SLC16A6: variants seen among roughly 807,000 people sequenced by gnomAD.
The protein encoded by SLC16A6 is monocarboxylate transporter 7.
SLC16A6 carries 15 observed loss-of-function variants against 33.8 expected under a neutral mutation model. The observed-to-expected ratio is 0.44, with a 90% CI of 0.30 to 0.68. The LOEUF (loss-of-function observed/expected upper bound fraction) is 0.68. Among genes scored for constraint, SLC16A6 ranks in the 30% least tolerant of loss-of-function variants. The pLI is 0.10. For synonymous variants in SLC16A6, 219 were observed against 248.4 expected, an observed-to-expected ratio of 0.88 and a Z score of 1.11; for missense variants, 451 against 661.5, an observed-to-expected ratio of 0.68 and a Z score of 3.49.
intron 3 of SLC16A6, among the ~76,000 whole-genome samples, chr17:68,273,657 T>C (rs563272613): frequency 2.6e-5 from 4 of 152,210 alleles, no homozygotes; most frequent in Admixed American, 6.5e-5. Flanking sequence ...TTTGTAAAAA[T>C]GCTATCTTTT....
intron 5 of SLC16A6, among the ~76,000 whole-genome samples, chr17:68,269,742 C>G (rs2075275927): frequency 7.8e-6 from 1 of 127,446 alleles, no homozygotes; most frequent in South Asian, 2.7e-4. Flanking sequence ...GGTGCAATCT[C>G]AGGTCACTGC....
At chr17:68,275,449 C>T (rs1488363623) in intron 2 of SLC16A6, among the ~76,000 whole-genome samples, 1 of 152,072 alleles carries the variant, frequency 6.6e-6, no homozygotes, top group Non-Finnish European at 1.5e-5. Flanking sequence ...TCATTTTGAG[C>T]CAGGATGTTG....
At chr17:68,291,044 A>C (rs2075968032) in intron 1 of SLC16A6, 42 bp downstream of exon 1, 1 of 152,240 alleles carries the variant, frequency 6.6e-6, no homozygotes, top group Admixed American at 6.5e-5. Flanking sequence ...CCCACATCCC[A>C]CAATCAAACT....
At position 68,272,539 on chromosome 17, in the gene SLC16A6, C is replaced by G. The variant is rs1400060316; in HGVS notation, c.505+100G>C. ...TAAATAACGTCTCATTACACATACA[C>G]TGAAAGTCATCCATACTGTTGGCAA... On this transcript the variant is annotated intron_variant, in intron 4 of 5. Transcript: ENST00000580666. 15 of 1,384,328 alleles carry G rather than the reference C, an allele frequency of 1.1e-5. No individual in the cohort carries two copies. In the African/African-American group the frequency reaches 1.7e-4, roughly 16 times the overall value. The allele number at this position is 1,384,328 out of a possible 1,614,324, so 85.8% of individuals were successfully genotyped here.
intron 2 of SLC16A6, among the ~76,000 whole-genome samples, chr17:68,274,882 C>T (rs781945301): frequency 6.6e-6 from 1 of 151,488 alleles, no homozygotes; most frequent in South Asian, 2.1e-4. Context: ...CTGGGTTCAA[C>T]TGATTCTCCT....
At chr17:68,286,557 T>A (rs2075846791) in intron 1 of SLC16A6, among the ~76,000 whole-genome samples, 1 of 152,168 alleles carries the variant, frequency 6.6e-6, no homozygotes, top group African/African-American at 2.4e-5. Flanking sequence ...TAGGCTGAAG[T>A]GCAGTGGCAC....
At chr17:68,281,830 C>T (rs886612109) in intron 1 of SLC16A6, among the ~76,000 whole-genome samples, 9 of 151,946 alleles carry the variant, frequency 5.9e-5, no homozygotes, top group Admixed American at 1.3e-4. Context: ...TAAACTAGTA[C>T]GGCCAATAAG....
intron 1 of SLC16A6, among the ~76,000 whole-genome samples, chr17:68,289,824 G>A (rs868958299): frequency 1.6e-4 from 25 of 152,276 alleles, no homozygotes; most frequent in Middle Eastern, 6.8e-3. Flanking sequence ...AAAACTCAGG[G>A]TTAGTGGTAC....
chr17:68,279,662 A>G (rs2075631095), intron 1 of SLC16A6, among the ~76,000 whole-genome samples: 1 of 152,150 alleles, frequency 6.6e-6, no homozygotes, highest in South Asian at 2.1e-4. Flanking sequence ...GAACAAGCCA[A>G]CCTGTCTTAA....
intron 1 of SLC16A6, among the ~76,000 whole-genome samples, chr17:68,289,436 T>C (rs1380526455): frequency 6.6e-6 from 1 of 152,206 alleles, no homozygotes; most frequent in Non-Finnish European, 1.5e-5. Context: ...CAGAGTGTTA[T>C]TCCAGGGTCA....
chr17:68,287,913 C>T (rs573980114), intron 1 of SLC16A6, among the ~76,000 whole-genome samples: 1 of 151,862 alleles, frequency 6.6e-6, no homozygotes, highest in South Asian at 2.1e-4. Flanking sequence ...ACTCTTCTCC[C>T]TTTTTTCTTT....
chr17:68,289,396 C>G (rs2075915529), intron 1 of SLC16A6, among the ~76,000 whole-genome samples: 1 of 152,020 alleles, frequency 6.6e-6, no homozygotes, highest in Non-Finnish European at 1.5e-5. Flanking sequence ...GGCCCGAGGG[C>G]ATGAAAAAAA....
chr17:68,284,585 G>C (rs1176824063), intron 1 of SLC16A6, among the ~76,000 whole-genome samples: 1 of 152,032 alleles, frequency 6.6e-6, no homozygotes, highest in Non-Finnish European at 1.5e-5. Context: ...AAAATAACAG[G>C]ACACAACCTC....
upstream of SLC16A6, chr17:68,291,144 C>G (rs1419655445): frequency 6.6e-6 from 1 of 152,180 alleles, no homozygotes; most frequent in Non-Finnish European, 1.5e-5. Flanking sequence ...GAGGCTTGGC[C>G]TCCCCCTCCT....
Position 68,271,049 on chromosome 17 carries a change from C to A in SLC16A6, c.1111G>T (p.Val371Leu). ...GCAAAAGTAAAGGCAAACAGAGACA[C>A]AGTCAATAAGATGACGCAGATGAGC... Reference protein sequence around the residue: ...IELICVILLTVSLFAFTFATE... With the variant: ...IELICVILLTLSLFAFTFATE... Residue 371 changes from valine (V) to leucine (L), a missense_variant, in exon 5 of 6, where the codon GTG (valine) becomes TTG (leucine). By Grantham distance (32) the Val-to-Leu change is conservative (BLOSUM62 1). This residue lies in a region of SLC16A6 where 405 missense variants were observed against 510.7 expected (regional missense o/e 0.79). Coordinates refer to ENST00000580666, the MANE Select transcript of SLC16A6 (RefSeq NM_004694.5). This position sits in a 1 kb window ranked among gnomAD's most constrained non-coding sequence, Gnocchi z 5.3. 1 of 1,614,210 alleles carries A rather than the reference C, an allele frequency of 6.2e-7. No individual in the cohort carries two copies. Among genetic ancestry groups the A allele is most frequent in the South Asian group, 1.1e-5 (1 of 91,082 alleles).
At chr17:68,291,009 C>T (rs1428126845) in intron 1 of SLC16A6, 77 bp downstream of exon 1, 1 of 152,132 alleles carries the variant, frequency 6.6e-6, no homozygotes, top group Non-Finnish European at 1.5e-5. Flanking sequence ...AAAAAAGGCC[C>T]CAACACATAT....
At chr17:68,287,047 A>G (rs7212016) in intron 1 of SLC16A6, among the ~76,000 whole-genome samples, 92,542 of 151,790 alleles carry the variant, frequency 0.61, 28,736 homozygotes, top group African/African-American at 0.73. Context: ...GCCATGGCAC[A>G]ATCTCAGCTC....
intron 5 of SLC16A6, among the ~76,000 whole-genome samples, chr17:68,269,553 G>T (rs1473378199): frequency 6.9e-6 from 1 of 145,656 alleles, no homozygotes; most frequent in African/African-American, 2.6e-5. Context: ...TGTTCTTCTT[G>T]GGCTAAGCCT....
chr17:68,286,303 A>G (rs1356800415), intron 1 of SLC16A6, among the ~76,000 whole-genome samples: 2 of 152,182 alleles, frequency 1.3e-5, no homozygotes, highest in African/African-American at 4.8e-5. Context: ...GTAACCCCTG[A>G]ATAGAGTTAG....
Sources: gnomAD v4.1 joint callset for allele counts (sites outside exome capture counted in the v4.1 genomes callset) on GRCh38, gnomAD v4.1.1 for gene constraint, gnomAD v4.1.1 regional missense constraint, Gnocchi (gnomAD v3.1) non-coding constraint, MANE v1.5 for transcripts, NCBI Gene and HGNC (gene_info 2026-07-23, HGNC 2026-07-21) for gene names.